The following ABCC9 variants were observed in gnomAD, a reference collection of about 807,000 sequenced individuals.
The protein encoded by ABCC9 is ATP binding cassette subfamily C member 9, also known as ATP-binding cassette sub-family C member 9.
In ABCC9, 95 loss-of-function variants were observed where a neutral mutation model predicts 188.3. The observed-to-expected ratio is 0.50, with a 90% CI of 0.43 to 0.60. The LOEUF (loss-of-function observed/expected upper bound fraction) is 0.60, where lower values mean the gene tolerates loss of function less well. Ranked by LOEUF, ABCC9 falls within the 20% of genes least tolerant of loss-of-function variation. The pLI is 0.00. For missense variants in ABCC9, 1,102 were observed against 1,876.3 expected, an observed-to-expected ratio of 0.59 and a Z score of 7.62; for synonymous variants, 659 against 652.7, an observed-to-expected ratio of 1.01 and a Z score of -0.15.
intron 35 of ABCC9, among the ~76,000 whole-genome samples, chr12:21,812,818 T>C (rs917580624): frequency 3.5e-4 from 54 of 152,158 alleles, no homozygotes; most frequent in African/African-American, 1.2e-3. Context: ...CTGCATGTTC[T>C]GCACATGTAC....
At chr12:21,913,955 A>T (rs1948431708) in intron 7 of ABCC9, among the ~76,000 whole-genome samples, 1 of 152,162 alleles carries the variant, frequency 6.6e-6, no homozygotes, top group Admixed American at 6.6e-5. Flanking sequence ...TGTAAAGAGA[A>T]CTCAGAAAAA....
chr12:21,925,358 C>A, intron 5 of ABCC9: 1 of 554,492 alleles, frequency 1.8e-6, no homozygotes, highest in South Asian at 2.6e-5. Flanking sequence ...GCTAATAAAA[C>A]AATTTTAGTC....
At chr12:21,849,727 A>G (rs894230945) in intron 24 of ABCC9, among the ~76,000 whole-genome samples, 7 of 152,208 alleles carry the variant, frequency 4.6e-5, no homozygotes, top group African/African-American at 1.7e-4. Context: ...CTAAGTAAAT[A>G]AAAATTTAGT....
intron 10 of ABCC9, among the ~76,000 whole-genome samples, chr12:21,909,106 T>G (rs1948192271): frequency 6.6e-6 from 1 of 151,882 alleles, no homozygotes; most frequent in Non-Finnish European, 1.5e-5. Flanking sequence ...AACAAAAAAT[T>G]CCTTAAGGTC....
At chr12:21,884,416 C>T (rs1379936008) in intron 15 of ABCC9, among the ~76,000 whole-genome samples, 3 of 152,080 alleles carry the variant, frequency 2.0e-5, no homozygotes, top group Non-Finnish European at 4.4e-5. Flanking sequence ...ACTATGAAGG[C>T]TAAGTAATAA....
chr12:21,926,264 T>C (rs987101243), intron 4 of ABCC9, among the ~76,000 whole-genome samples: 1 of 152,180 alleles, frequency 6.6e-6, no homozygotes, highest in African/African-American at 2.4e-5. Context: ...TTAACATGAA[T>C]GGCCAAGTAA....
At chr12:21,895,237 C>T in intron 13 of ABCC9, 38 bp downstream of exon 13, 1 of 1,572,684 alleles carries the variant, frequency 6.4e-7, no homozygotes, top group Non-Finnish European at 8.8e-7. Flanking sequence ...TAAACACTGA[C>T]TTGGTTTCAT....
At chr12:21,901,832 T>TA (rs1376435341) in intron 12 of ABCC9, among the ~76,000 whole-genome samples, 1 of 152,168 alleles carries the variant, frequency 6.6e-6, no homozygotes, top group Non-Finnish European at 1.5e-5. Flanking sequence ...CAAAGAGACT[T>TA]AGAGTTCCAC....
intron 25 of ABCC9, among the ~76,000 whole-genome samples, chr12:21,846,395 C>T (rs914728975): frequency 1.3e-5 from 2 of 152,200 alleles, no homozygotes; most frequent in African/African-American, 4.8e-5. Context: ...AGAAGGACTC[C>T]ACTGCTAAAG....
Position 21,801,025 on chromosome 12 carries a change from A to G in ABCC9, c.*19T>C, listed in dbSNP as rs114906131. 2,629 of 1,613,438 alleles carry G rather than the reference A, an allele frequency of 1.6e-3. 39 individuals carry two copies. In the African/African-American group the frequency reaches 0.03, roughly 19 times the overall value. ...TGACTGCATTATTTTAAATACATGTATTGTTTTAAGACACTCCTTCACATG... is the reference window on the plus strand; with the variant it reads ...TGACTGCATTATTTTAAATACATGTGTTGTTTTAAGACACTCCTTCACATG... On this transcript the variant is annotated 3_prime_UTR_variant, in exon 40 of 40. Transcript: ENST00000261200.
intron 29 of ABCC9, 128 bp from the exon 30 acceptor site, chr12:21,838,298 A>G: frequency 1.4e-6 from 1 of 737,312 alleles, no homozygotes; most frequent in South Asian, 1.5e-5. Flanking sequence ...TTCCCCTAGC[A>G]CTCAATTAAC....
chr12:21,879,774 G>A (rs1565440236), intron 16 of ABCC9, among the ~76,000 whole-genome samples: 1 of 151,632 alleles, frequency 6.6e-6, no homozygotes, highest in African/African-American at 2.4e-5. Context: ...AAAATATAAG[G>A]AAAAAATACA....
chr12:21,810,025 G>A, intron 36 of ABCC9, 70 bp from the exon 37 acceptor site: 1 of 965,780 alleles, frequency 1.0e-6, no homozygotes, highest in South Asian at 1.3e-5. Flanking sequence ...TTTGCTTATT[G>A]CTTTTCTTTC....
intron 28 of ABCC9, 59 bp downstream of exon 28, chr12:21,844,424 G>A (rs759967701): frequency 5.6e-5 from 74 of 1,323,764 alleles, no homozygotes; most frequent in Non-Finnish European, 7.1e-5. Context: ...ATCTTAAAAT[G>A]CTATTTAGCT....
At chr12:21,935,041 C>G (rs1300194703) in intron 3 of ABCC9, among the ~76,000 whole-genome samples, 1 of 152,034 alleles carries the variant, frequency 6.6e-6, no homozygotes, top group Non-Finnish European at 1.5e-5. Context: ...CAGCCAATGT[C>G]ATAAATGAAA....
rs749235749 is a variant in ABCC9, at chr12:21,829,075, AACACGATGTTAACC to A, written c.3567-29_3567-16del. The A allele has an allele frequency of 6.3e-7, 1 of 1,591,338 alleles. No homozygotes were observed. The highest frequency in any genetic ancestry group is 8.6e-7 in the Non-Finnish European group (1 of 1,159,350). The stretch of plus-strand genomic sequence containing the variant: ...TGGTTTCATGCCTGCAGAAAACAAA[AACACGATGTTAACC>A]ACACAACAGGAGAGGTAATAAGAAA... On this transcript the variant is annotated splice_polypyrimidine_tract_variant and intron_variant, in intron 30 of 39. Transcript: ENST00000261200.
chr12:21,824,073 A>G (rs1057209280), intron 31 of ABCC9, among the ~76,000 whole-genome samples: 5 of 152,190 alleles, frequency 3.3e-5, no homozygotes, highest in Non-Finnish European at 7.3e-5. Context: ...AAAAATCATG[A>G]TTGTCTTAAC....
intron 22 of ABCC9, among the ~76,000 whole-genome samples, chr12:21,856,238 T>A (rs755838379): frequency 7.2e-5 from 11 of 152,126 alleles, no homozygotes; most frequent in Non-Finnish European, 1.5e-4. Context: ...GTCTCCAGAT[T>A]CAATGTATAT....
At chr12:21,901,350 A>G (rs1947739914) in intron 12 of ABCC9, among the ~76,000 whole-genome samples, 2 of 152,358 alleles carry the variant, frequency 1.3e-5, no homozygotes, top group East Asian at 1.9e-4. Context: ...CGGCAAAAAC[A>G]TGCCAAATTT....
Sources: allele counts gnomAD v4.1 joint callset (sites outside exome capture counted in the v4.1 genomes callset), GRCh38; gene constraint gnomAD v4.1.1; transcripts MANE v1.5; gene names NCBI Gene and HGNC (gene_info 2026-07-23, HGNC 2026-07-21).